The following TNKS variants were observed in gnomAD, a reference collection of about 807,000 sequenced individuals.
TNKS encodes the protein poly [ADP-ribose] polymerase tankyrase-1.
A neutral mutation model predicts 135.8 loss-of-function variants in TNKS; 72 were observed. The observed-to-expected ratio is 0.53, with a 90% CI of 0.44 to 0.64. TNKS has a LOEUF of 0.64. TNKS is among the 30% of genes least tolerant of loss of function. TNKS has a pLI of 0.00. For synonymous variants in TNKS, 849 were observed against 649.3 expected (o/e 1.31, Z -4.68); for missense variants, 1,769 against 1,674.0 (o/e 1.06, Z -0.99).
intron 1 of TNKS, among the ~76,000 whole-genome samples, chr8:9,567,540 C>A (rs575595054): frequency 6.6e-6 from 1 of 152,144 alleles, no homozygotes; most frequent in Non-Finnish European, 1.5e-5. Context: ...CTCAGCCTCC[C>A]GAGTAGCTGG....
intron 11 of TNKS, among the ~76,000 whole-genome samples, chr8:9,711,470 A>G (rs1804331499): frequency 1.3e-5 from 2 of 152,232 alleles, no homozygotes; most frequent in African/African-American, 4.8e-5. Flanking sequence ...TATAAATATC[A>G]TACTTGATCA....
Position 9,704,767 on chromosome 8 carries a change from T to C in TNKS, c.1202+10T>C, listed in dbSNP as rs780531958. 2 of 1,604,476 alleles carry C rather than the reference T, an allele frequency of 1.2e-6. No homozygotes were observed. Among genetic ancestry groups the C allele is most frequent in the Non-Finnish European group, 1.7e-6 (2 of 1,173,808 alleles). ...ATGCAAAAGACAAAGGGTAGGTCTA[T>C]CAGTTTACTTCCTGTCAGTGCTTTG... On this transcript the variant is annotated intron_variant, in intron 6 of 26. Transcript: ENST00000310430.
rs1804423182 is a variant in TNKS at position 9,713,190 on chromosome 8, C to T, written c.1749+2970C>T. Among the ~76,000 whole-genome samples the T allele has an allele frequency of 6.6e-5, 10 of 152,272 alleles. No homozygotes were observed. In the South Asian group the frequency reaches 2.1e-3, roughly 32 times the overall value. On this transcript the variant is annotated intron_variant, in intron 11 of 26. Transcript: ENST00000310430. ...AGATGTATTACCTATTTTGTAGGTA[C>T]AACTACTGCATTATTATATAAGTAG...
chr8:9,690,493 C>T (rs970738730), intron 5 of TNKS, among the ~76,000 whole-genome samples: 2 of 152,114 alleles, frequency 1.3e-5, no homozygotes, highest in African/African-American at 4.8e-5. Context: ...AGCATGGTGG[C>T]TCACGCCTGT....
At chr8:9,711,316 G>C (rs1268025200) in intron 11 of TNKS, among the ~76,000 whole-genome samples, 1 of 152,226 alleles carries the variant, frequency 6.6e-6, no homozygotes, top group Non-Finnish European at 1.5e-5. Context: ...GTTTCCTGAG[G>C]TAAGAGTGGG....
intron 2 of TNKS, among the ~76,000 whole-genome samples, chr8:9,599,142 C>G (rs1798919502): frequency 6.6e-6 from 1 of 152,024 alleles, no homozygotes; most frequent in African/African-American, 2.4e-5. Flanking sequence ...AAAAAGTAAT[C>G]TACCCCTAAA....
At chr8:9,586,050 T>C (rs1323753287) in intron 2 of TNKS, among the ~76,000 whole-genome samples, 4 of 152,118 alleles carry the variant, frequency 2.6e-5, no homozygotes, top group African/African-American at 9.7e-5. Context: ...CCTTGTACAA[T>C]AGCTGTATAT....
intron 13 of TNKS, among the ~76,000 whole-genome samples, chr8:9,727,936 A>C (rs557408457): frequency 6.6e-6 from 1 of 152,322 alleles, no homozygotes; most frequent in Non-Finnish European, 1.5e-5. Flanking sequence ...TTTCTTAAAA[A>C]TGCTTCATCA....
At chr8:9,620,766 T>G (rs1222274412) in intron 3 of TNKS, among the ~76,000 whole-genome samples, 4 of 152,218 alleles carry the variant, frequency 2.6e-5, no homozygotes, top group Admixed American at 2.0e-4. Context: ...CGTCTGCTCC[T>G]CAAAGACGGC....
intron 26 of TNKS, among the ~76,000 whole-genome samples, chr8:9,772,065 G>T (rs1563226506): frequency 7.2e-6 from 1 of 138,748 alleles, no homozygotes; most frequent in African/African-American, 2.8e-5. Flanking sequence ...GAGGGATGGA[G>T]GGGGAGAGAG....
At chr8:9,734,740 C>G (rs1805604471) in intron 15 of TNKS, 125 bp from the exon 16 acceptor site, 3 of 805,494 alleles carry the variant, frequency 3.7e-6, no homozygotes, top group Non-Finnish European at 5.8e-6. Flanking sequence ...AAGTGTTTTT[C>G]AAAATGCATA....
chr8:9,714,683 TA>T (rs1804515500), intron 11 of TNKS, among the ~76,000 whole-genome samples: 1 of 152,168 alleles, frequency 6.6e-6, no homozygotes, highest in Non-Finnish European at 1.5e-5. Flanking sequence ...AAGAGGAAGA[TA>T]AAAGCCACTT....
At chr8:9,734,277 A>G (rs1016647226) in intron 15 of TNKS, among the ~76,000 whole-genome samples, 23 of 152,234 alleles carry the variant, frequency 1.5e-4, no homozygotes, top group Non-Finnish European at 3.4e-4. Context: ...CCCATAATAA[A>G]AATTATTGAC....
chr8:9,697,452 G>A (rs546342307), intron 5 of TNKS, among the ~76,000 whole-genome samples: 8 of 152,150 alleles, frequency 5.3e-5, no homozygotes, highest in Admixed American at 1.3e-4. Flanking sequence ...CTGACAAGTG[G>A]GACCTAATTA....
At chr8:9,572,381 G>A (rs1241011183) in intron 1 of TNKS, among the ~76,000 whole-genome samples, 2 of 152,170 alleles carry the variant, frequency 1.3e-5, no homozygotes, top group African/African-American at 4.8e-5. Context: ...AAGTGTCCAT[G>A]CTGTTTGGCA....
chr8:9,753,848 C>T (rs934476954), intron 20 of TNKS, among the ~76,000 whole-genome samples: 7 of 152,170 alleles, frequency 4.6e-5, no homozygotes, highest in Admixed American at 2.6e-4. Context: ...CTTACGCTTA[C>T]GCTTACCCTG....
chr8:9,717,072 A>ATATAT (rs376229840), intron 11 of TNKS, among the ~76,000 whole-genome samples: 1,009 of 79,416 alleles, frequency 0.013, 122 homozygotes, highest in Middle Eastern at 0.056. Flanking sequence ...GTTGTATTAT[A>ATATAT]ATATATATAT....
Position 9,556,422 on chromosome 8 carries a change from C to G in TNKS, c.483C>G (p.Ser161Arg). The G allele has an allele frequency of 6.2e-7, 1 of 1,614,208 alleles. No homozygotes were observed. Among genetic ancestry groups the G allele is most frequent in the Non-Finnish European group, 8.5e-7 (1 of 1,180,050 alleles). The stretch of plus-strand genomic sequence containing the variant: ...GCCCCGAGGCGGCCGGAGTTAGCAG[C>G]ACAGCACCACTGGGGCCTGGGGCAG... ...AESPEAAGVS[S>R]TAPLGPGAAG... Residue 161 changes from serine (S) to arginine (R), a missense_variant, in exon 1 of 27, where the codon AGC becomes AGG. Ser to Arg is a moderately radical substitution (Grantham distance 110). Around this residue, in one of 5 missense-constraint regions of TNKS, gnomAD observed 450 missense variants for 304.9 expected, o/e 1.48. Transcript: ENST00000310430.
rs201824111 is a variant in TNKS at position 9,694,339 on chromosome 8, T to A, written c.1108-10324T>A. On this transcript the variant is annotated intron_variant, in intron 5 of 26. Coordinates refer to ENST00000310430, the MANE Select transcript of TNKS (RefSeq NM_003747.3). ...TTTAAAACATAAAATTAAGGAATGT[T>A]CTCTTTTCTCAGTGAACTCACAGTG... Among the ~76,000 whole-genome samples, 12 of 152,322 alleles carry A rather than the reference T, an allele frequency of 7.9e-5. No homozygotes were observed. In the East Asian group the frequency reaches 2.3e-3, roughly 29 times the overall value.
Sources: gnomAD v4.1 joint callset for allele counts (sites outside exome capture counted in the v4.1 genomes callset) on GRCh38, gnomAD v4.1.1 for gene constraint, gnomAD v4.1.1 regional missense constraint, MANE v1.5 for transcripts, NCBI Gene and HGNC (gene_info 2026-07-23, HGNC 2026-07-21) for gene names.